The following ARPP21 variants were observed in gnomAD, a reference collection of about 807,000 sequenced individuals.
ARPP21 encodes cAMP regulated phosphoprotein 21.
In ARPP21, 69 loss-of-function variants were observed where a neutral mutation model predicts 113.2. That is an observed-to-expected ratio of 0.61 (90% CI 0.50 to 0.74). ARPP21 has a LOEUF of 0.74. Among genes scored for constraint, ARPP21 ranks in the 30% least tolerant of loss-of-function variants. ARPP21 has a pLI of 0.00. For synonymous variants in ARPP21, 368 were observed against 375.5 expected, an observed-to-expected ratio of 0.98 and a Z score of 0.23; for missense variants, 1,070 against 1,037.4, an observed-to-expected ratio of 1.03 and a Z score of -0.43.
intron 19 of ARPP21, among the ~76,000 whole-genome samples, chr3:35,763,601 C>A (rs1439333141): frequency 1.3e-5 from 2 of 152,040 alleles, no homozygotes; most frequent in African/African-American, 4.8e-5. Context: ...TAGAATGGAA[C>A]AAAACCCCTG....
chr3:35,720,510 G>T (rs1476877806), intron 13 of ARPP21, among the ~76,000 whole-genome samples: 1 of 152,138 alleles, frequency 6.6e-6, no homozygotes, highest in Admixed American at 6.5e-5. Context: ...TGTGAGATTT[G>T]AATCAAGGCT....
At chr3:35,668,804 G>A (rs1229010763) in intron 1 of ARPP21, among the ~76,000 whole-genome samples, 2 of 152,106 alleles carry the variant, frequency 1.3e-5, no homozygotes, top group Non-Finnish European at 2.9e-5. Context: ...GTTTTGAGAT[G>A]CAACAGGATC....
In ARPP21 at chr3:35,739,457, C is replaced by T. The variant is rs367887924; in HGVS notation, c.1890C>T (p.Ala630=). ...CCCAGCAGCCCAGCTATGTAATCGC[C>T]TCTACAGGCCAGCAGCTTCCTACAG... The part of the protein sequence containing the change: ...QPAQQPSYVI[A]STGQQLPTGG... Residue 630 remains alanine (A), a synonymous_variant, in exon 18 of 21, where the codon GCC becomes GCT. Coordinates refer to ENST00000684406, the MANE Select transcript of ARPP21 (RefSeq NM_001385562.1). The T allele has an allele frequency of 6.2e-7, 1 of 1,614,154 alleles. No homozygotes were observed. Among genetic ancestry groups the T allele is most frequent in the South Asian group, 1.1e-5 (1 of 91,076 alleles).
intron 14 of ARPP21, among the ~76,000 whole-genome samples, chr3:35,728,453 T>C (rs1028082655): frequency 2.0e-5 from 3 of 151,574 alleles, no homozygotes; most frequent in East Asian, 3.9e-4. Flanking sequence ...CTCCTGACCT[T>C]GTGATCCACC....
chr3:35,791,568 G>T (rs2096748481), intron 19 of ARPP21, among the ~76,000 whole-genome samples: 1 of 152,046 alleles, frequency 6.6e-6, no homozygotes, highest in South Asian at 2.1e-4. Flanking sequence ...ACTCATTGAA[G>T]TGAGGATTTA....
chr3:35,703,414 T>A (rs1467701691), intron 9 of ARPP21, among the ~76,000 whole-genome samples: 1 of 151,858 alleles, frequency 6.6e-6, no homozygotes, highest in Admixed American at 6.6e-5. Context: ...TTTTCAGAGG[T>A]TTGATTGGGG....
chr3:35,673,154 G>A (rs1485749068), intron 1 of ARPP21, among the ~76,000 whole-genome samples: 2 of 151,956 alleles, frequency 1.3e-5, no homozygotes, highest in South Asian at 2.1e-4. Flanking sequence ...TATATAACTG[G>A]AAACTCCCTT....
chr3:35,721,555 C>G (rs1215456321), intron 13 of ARPP21, 50 bp from the exon 14 acceptor site: 2 of 1,040,544 alleles, frequency 1.9e-6, no homozygotes, highest in Non-Finnish European at 3.0e-6. Flanking sequence ...CAACACCATG[C>G]ATGTAAGGTA....
chr3:35,720,180 TG>T (rs1412526588), intron 13 of ARPP21, among the ~76,000 whole-genome samples: 1 of 84,662 alleles, frequency 1.2e-5, no homozygotes, highest in African/African-American at 4.1e-5. Flanking sequence ...TGGAGGGCAC[TG>T]AGTATTTTCA....
chr3:35,678,692 C>G (rs1235898212), intron 1 of ARPP21: 1 of 151,898 alleles, frequency 6.6e-6, no homozygotes, highest in Non-Finnish European at 1.5e-5. Context: ...GCTTTGTAAC[C>G]CAATATGTTA....
At position 35,721,801 on chromosome 3, in the gene ARPP21, A is replaced by G. The variant is rs1182093103; in HGVS notation, c.1192A>G (p.Ser398Gly). 1 of 1,611,422 alleles carries G rather than the reference A, an allele frequency of 6.2e-7. No individual in the cohort carries two copies. Among genetic ancestry groups the G allele is most frequent in the East Asian group, 2.2e-5 (1 of 44,808 alleles). Residue 398 changes from serine (S) to glycine (G), a missense_variant, in exon 14 of 21, where the codon AGT (serine) becomes GGT (glycine). Physicochemically the swap from Ser to Gly is moderately conservative, Grantham distance 56. Transcript: ENST00000684406. ...GCTGACCAGGGGTGACAGCACTTCC[A>G]GTACTAGGAGTACCGGGAAGCTGTC... is the stretch of plus-strand genomic sequence containing the variant. ...TVLTRGDSTS[S>G]TRSTGKLSKA...
intron 10 of ARPP21, chr3:35,707,516 A>G (rs760651476): frequency 2.2e-6 from 1 of 459,180 alleles, no homozygotes; most frequent in Non-Finnish European, 4.4e-6. Flanking sequence ...CAACCGGTGT[A>G]GCTGTAAAGA....
At chr3:35,779,292 T>G (rs898050767) in intron 19 of ARPP21, among the ~76,000 whole-genome samples, 2 of 152,158 alleles carry the variant, frequency 1.3e-5, no homozygotes, top group Non-Finnish European at 2.9e-5. Context: ...TTGTGGACTA[T>G]TACCAACAAA....
At chr3:35,682,930 T>C (rs1559600627) in intron 4 of ARPP21, 41 bp downstream of exon 4, 1 of 1,520,544 alleles carries the variant, frequency 6.6e-7, no homozygotes, top group Non-Finnish European at 9.0e-7. Context: ...ATATCATGGG[T>C]ATAAATTACA....
chr3:35,713,102 T>A (rs1374379357), intron 11 of ARPP21, among the ~76,000 whole-genome samples: 2 of 152,172 alleles, frequency 1.3e-5, no homozygotes, highest in Non-Finnish European at 2.9e-5. Flanking sequence ...TATAACCCAT[T>A]AAGCAAAATC....
intron 19 of ARPP21, among the ~76,000 whole-genome samples, chr3:35,757,723 CTT>C (rs1438573435): frequency 6.6e-6 from 1 of 152,052 alleles, no homozygotes. Flanking sequence ...AGTTTTGACT[CTT>C]CTCTTTCTGC....
At chr3:35,755,717 G>T (rs116359651) in intron 19 of ARPP21, among the ~76,000 whole-genome samples, 10 of 152,054 alleles carry the variant, frequency 6.6e-5, no homozygotes, top group African/African-American at 1.9e-4. Flanking sequence ...GTGACTTCAC[G>T]TAGCAATTAG....
chr3:35,780,111 A>T (rs1466179961), intron 19 of ARPP21, among the ~76,000 whole-genome samples: 1 of 152,150 alleles, frequency 6.6e-6, no homozygotes. Context: ...TTGCCTCTTC[A>T]TCATTTTCTT....
chr3:35,792,782 TA>T (rs2096772100), intron 20 of ARPP21, among the ~76,000 whole-genome samples: 1 of 152,242 alleles, frequency 6.6e-6, no homozygotes, highest in Non-Finnish European at 1.5e-5. Flanking sequence ...TGGAAGAAAA[TA>T]CATTAGTCTA....
Sources: gnomAD v4.1 joint callset for allele counts (sites outside exome capture counted in the v4.1 genomes callset) on GRCh38, gnomAD v4.1.1 for gene constraint, MANE v1.5 for transcripts, NCBI Gene and HGNC (gene_info 2026-07-23, HGNC 2026-07-21) for gene names.